Variants in DNAJC1 observed in about 807,000 individuals in gnomAD.
DNAJC1 encodes dnaJ homolog subfamily C member 1.
A neutral mutation model predicts 76.6 loss-of-function variants in DNAJC1; 58 were observed. The observed-to-expected ratio is 0.76, with a 90% CI of 0.61 to 0.94. DNAJC1 has a LOEUF of 0.94. Among genes scored for constraint, DNAJC1 ranks in the 40% least tolerant of loss-of-function variants. The pLI, the probability that DNAJC1 is intolerant of heterozygous loss-of-function variation, is 0.00. For missense variants in DNAJC1, 689 were observed against 677.3 expected (o/e 1.02, Z -0.19); for synonymous variants, 258 against 267.9 (o/e 0.96, Z 0.36).
At chr10:21,964,413 T>C (rs1470007938) in intron 1 of DNAJC1, among the ~76,000 whole-genome samples, 1 of 152,116 alleles carries the variant, frequency 6.6e-6, no homozygotes, top group Non-Finnish European at 1.5e-5. Flanking sequence ...GGTTTTGCCA[T>C]GTTGTCCAGG....
chr10:21,790,702 A>G (rs777444634), intron 9 of DNAJC1, among the ~76,000 whole-genome samples: 3 of 152,176 alleles, frequency 2.0e-5, no homozygotes, highest in Non-Finnish European at 2.9e-5. Context: ...AAAACACTCA[A>G]AAGTATAAAA....
chr10:21,847,498 CT>C (rs1835679269), intron 8 of DNAJC1, among the ~76,000 whole-genome samples: 1 of 152,094 alleles, frequency 6.6e-6, no homozygotes. Flanking sequence ...TTACTGTTAA[CT>C]ATGGTCACTC....
At chr10:21,793,755 G>A (rs1834720099) in intron 9 of DNAJC1, among the ~76,000 whole-genome samples, 1 of 151,958 alleles carries the variant, frequency 6.6e-6, no homozygotes, top group Non-Finnish European at 1.5e-5. Context: ...AGACCAGCCT[G>A]GGGGGAACAT....
At chr10:21,977,703 A>G (rs1425842220) in intron 1 of DNAJC1, among the ~76,000 whole-genome samples, 1 of 152,124 alleles carries the variant, frequency 6.6e-6, no homozygotes, top group Non-Finnish European at 1.5e-5. Flanking sequence ...CATCCAATAC[A>G]TATTTAAGTT....
intron 8 of DNAJC1, among the ~76,000 whole-genome samples, chr10:21,819,849 G>C (rs376102214): frequency 6.6e-6 from 1 of 152,130 alleles, no homozygotes; most frequent in African/African-American, 2.4e-5. Flanking sequence ...AGAATCGCTT[G>C]AGCCCAGGAG....
intron 9 of DNAJC1, among the ~76,000 whole-genome samples, chr10:21,795,019 C>T (rs1007167308): frequency 2.4e-4 from 36 of 151,820 alleles, no homozygotes; most frequent in African/African-American, 8.2e-4. Flanking sequence ...TCTTGGTGGT[C>T]AAAAAGTTTT....
rs761379523 is a variant in DNAJC1, at chr10:22,003,301, G to C, written c.134C>G (p.Ala45Gly). 1 of 1,529,158 alleles carries C rather than the reference G, an allele frequency of 6.5e-7. No individual in the cohort carries two copies. The highest frequency in any genetic ancestry group is 8.8e-7 in the Non-Finnish European group (1 of 1,139,316). 94.7% of individuals were successfully genotyped at this position (1,529,158 alleles called of 1,614,324 possible). ...LLLLLAAVAPARGWESGDLEL... is the reference protein window; with the variant it reads ...LLLLLAAVAPGRGWESGDLEL... ...CAGGTCTCCGCTCTCCCAGCCGCGCGCCGGCGCCACGGCGGCCAGCAGCAG... is the reference window on the plus strand; with the variant it reads ...CAGGTCTCCGCTCTCCCAGCCGCGCCCCGGCGCCACGGCGGCCAGCAGCAG... Residue 45 changes from alanine (A) to glycine (G), a missense_variant, in exon 1 of 12, where the codon GCG becomes GGG. Ala to Gly is a moderately conservative substitution (Grantham distance 60). Transcript: ENST00000376980.
At chr10:21,772,135 T>G (rs1001385078) in intron 9 of DNAJC1, among the ~76,000 whole-genome samples, 3 of 152,084 alleles carry the variant, frequency 2.0e-5, no homozygotes, top group Non-Finnish European at 4.4e-5. Context: ...CCGAATTCAG[T>G]TTGGTGGTAT....
In DNAJC1 at chr10:21,845,309, C is replaced by G. The variant is rs180691773; in HGVS notation, c.978+36973G>C. Among the ~76,000 whole-genome samples, 25 of 151,708 alleles carry G rather than the reference C, an allele frequency of 1.6e-4. No homozygotes were observed. The East Asian group carries it at 4.8e-3, about 29-fold the overall frequency. On this transcript the variant is annotated intron_variant, in intron 8 of 11. Coordinates refer to ENST00000376980, the MANE Select transcript of DNAJC1 (RefSeq NM_022365.4). The stretch of plus-strand genomic sequence containing the variant: ...ACTTTTAAGTAGTTAATAAATGGTA[C>G]ACTAAAATTCCTAACTATGTCTGCA...
At chr10:21,798,873 A>G (rs1345816070) in intron 9 of DNAJC1, among the ~76,000 whole-genome samples, 2 of 152,174 alleles carry the variant, frequency 1.3e-5, no homozygotes, top group African/African-American at 4.8e-5. Flanking sequence ...GGAAAAATAA[A>G]TAAGGGCTCA....
At chr10:21,845,167 T>C (rs2131682767) in intron 8 of DNAJC1, among the ~76,000 whole-genome samples, 1 of 152,246 alleles carries the variant, frequency 6.6e-6, no homozygotes, top group South Asian at 2.1e-4. Context: ...TGGGGGCTTC[T>C]GTTTGTCCTT....
chr10:21,960,631 A>C (rs374436096), intron 1 of DNAJC1, among the ~76,000 whole-genome samples: 2 of 152,312 alleles, frequency 1.3e-5, no homozygotes, highest in African/African-American at 4.8e-5. Context: ...TTGAGGCTGC[A>C]GTAAGCCAAA....
intron 7 of DNAJC1, among the ~76,000 whole-genome samples, chr10:21,883,596 CT>C (rs879641522): frequency 1.3e-5 from 2 of 151,934 alleles, no homozygotes; most frequent in Non-Finnish European, 2.9e-5. Context: ...ATAAAACTAA[CT>C]TCATGGCTTA....
At chr10:21,773,024 C>A (rs1175348277) in intron 9 of DNAJC1, among the ~76,000 whole-genome samples, 1 of 152,158 alleles carries the variant, frequency 6.6e-6, no homozygotes, top group Non-Finnish European at 1.5e-5. Context: ...CCGAGAACAG[C>A]ACCAAAGGGG....
intron 8 of DNAJC1, among the ~76,000 whole-genome samples, chr10:21,863,929 A>G (rs1835954797): frequency 6.6e-6 from 1 of 152,286 alleles, no homozygotes; most frequent in East Asian, 1.9e-4. Context: ...TGGCCAGGTG[A>G]GGTGGCTCAG....
At chr10:21,942,105 A>G (rs1837423622) in intron 1 of DNAJC1, among the ~76,000 whole-genome samples, 1 of 152,200 alleles carries the variant, frequency 6.6e-6, no homozygotes. Context: ...TGATCAACAA[A>G]CTAACTTTGA....
chr10:21,908,162 AAATATAT>A (rs1483164421), intron 6 of DNAJC1, among the ~76,000 whole-genome samples: 1,916 of 110,624 alleles, frequency 0.017, 74 homozygotes, highest in African/African-American at 0.066. Context: ...TAATATATAA[AAATATAT>A]AATATATAAT....
At chr10:21,871,583 T>C (rs968105460) in intron 8 of DNAJC1, among the ~76,000 whole-genome samples, 4 of 152,038 alleles carry the variant, frequency 2.6e-5, no homozygotes, top group African/African-American at 9.7e-5. Flanking sequence ...ACAAATCCTT[T>C]AAAAAGTAGA....
At chr10:21,972,870 C>T (rs1196513509) in intron 1 of DNAJC1, among the ~76,000 whole-genome samples, 1 of 151,828 alleles carries the variant, frequency 6.6e-6, no homozygotes, top group Non-Finnish European at 1.5e-5. Context: ...AACCAGAGAA[C>T]CTAAATACAA....
Sources: allele counts gnomAD v4.1 joint callset (sites outside exome capture counted in the v4.1 genomes callset), GRCh38; gene constraint gnomAD v4.1.1; transcripts MANE v1.5; gene names NCBI Gene and HGNC (gene_info 2026-07-23, HGNC 2026-07-21).